Variants in COPS5 observed in about 807,000 individuals in gnomAD.
COPS5 encodes the protein COP9 signalosome subunit 5.
Under a neutral mutation model 44.4 loss-of-function variants are expected in COPS5, and 8 were observed. The ratio of observed to expected loss-of-function variants is 0.18; its 90% CI spans 0.11 to 0.32. COPS5 has a LOEUF of 0.32. Among genes scored for constraint, COPS5 ranks in the 10% least tolerant of loss-of-function variants. The pLI is 1.00. For synonymous variants in COPS5, 122 were observed against 142.8 expected (o/e 0.85, Z 1.04); for missense variants, 159 against 406.4 (o/e 0.39, Z 5.23).
intron 7 of COPS5, chr8:67,044,545 GTTTC>G (rs968696819): frequency 6.6e-6 from 1 of 151,336 alleles, no homozygotes; most frequent in African/African-American, 2.4e-5. Flanking sequence ...AAGTCAATAT[GTTTC>G]TTCCTTCCTT....
intron 7 of COPS5, chr8:67,044,947 T>TTGTATAGCC (rs2129537704): frequency 6.6e-6 from 1 of 152,270 alleles, no homozygotes; most frequent in Admixed American, 6.5e-5. Context: ...CTTTGCAACT[T>TTGTATAGCC]TGTATAGCCT....
At chr8:67,060,419 T>C (rs781637462) in intron 1 of COPS5, 50 of 1,286,378 alleles carry the variant, frequency 3.9e-5, no homozygotes, top group Non-Finnish European at 4.7e-5. Context: ...CCTTTTTAGA[T>C]GTCTGCCCAC....
At chr8:67,055,822 C>T (rs1176217014) in intron 5 of COPS5, among the ~76,000 whole-genome samples, 4 of 139,922 alleles carry the variant, frequency 2.9e-5, no homozygotes, top group African/African-American at 8.2e-5. Flanking sequence ...GCCAAGATCA[C>T]GCCACTGCAC....
At chr8:67,046,846 A>C (rs1027145880) in intron 6 of COPS5, among the ~76,000 whole-genome samples, 108 of 149,404 alleles carry the variant, frequency 7.2e-4, no homozygotes, top group Admixed American at 1.3e-3. Context: ...AAAAAAAAAA[A>C]AACAAACACT....
intron 6 of COPS5, among the ~76,000 whole-genome samples, chr8:67,050,880 C>T (rs1301455026): frequency 6.6e-6 from 1 of 152,042 alleles, no homozygotes; most frequent in African/African-American, 2.4e-5. Flanking sequence ...TGTTTAAGCT[C>T]GTTTCATTAG....
At chr8:67,059,949 C>A in intron 1 of COPS5, 1 of 166,824 alleles carries the variant, frequency 6.0e-6, no homozygotes, top group African/African-American at 2.4e-5. Context: ...TAGGGATATT[C>A]ATAATTGTTG....
intron 7 of COPS5, chr8:67,043,832 T>C (rs1364824370): frequency 6.6e-6 from 1 of 152,164 alleles, no homozygotes; most frequent in African/African-American, 2.4e-5. Context: ...TCAGAAGAGA[T>C]GCAATTCTTG....
rs1041892274 is a variant in COPS5, at chr8:67,061,756, G to A, written c.143+98C>T. 8.2e-6 allele frequency: 10 copies of A among 1,226,194 alleles called. No individual in the cohort carries two copies. In the African/African-American group the frequency reaches 1.1e-4, roughly 13 times the overall value. 76.0% of individuals were successfully genotyped at this position (1,226,194 alleles called of 1,614,324 possible). A position where few individuals can be genotyped will look rare whatever the true frequency, so the allele number is the denominator to read the frequency against. On this transcript the variant is annotated intron_variant, in intron 1 of 7. Coordinates refer to ENST00000357849, the MANE Select transcript of COPS5 (RefSeq NM_006837.3). ...CGCATATTCTGTCCCCCTCCCAGTC[G>A]GTGAAAGCTCTTCACCCCTTTCACC...
At chr8:67,058,893 A>C (rs1804548007) in intron 2 of COPS5, among the ~76,000 whole-genome samples, 1 of 151,632 alleles carries the variant, frequency 6.6e-6, no homozygotes, top group East Asian at 1.9e-4. Context: ...AGTCCCAGCT[A>C]CTCAGGAGGC....
intron 4 of COPS5, among the ~76,000 whole-genome samples, 173 bp downstream of exon 4, chr8:67,057,207 T>C (rs982778961): frequency 2.0e-5 from 3 of 152,228 alleles, no homozygotes; most frequent in East Asian, 1.9e-4. Flanking sequence ...TAAGGACTTA[T>C]AATTTTAAAA....
At chr8:67,057,338 TA>T (rs780118660) in intron 4 of COPS5, 41 bp downstream of exon 4, 1 of 1,337,686 alleles carries the variant, frequency 7.5e-7, no homozygotes, top group Non-Finnish European at 1.1e-6. Flanking sequence ...CCAGCCTAGG[TA>T]ACACAGTGAG....
chr8:67,043,400 T>A, intron 7 of COPS5, 83 bp from the exon 8 acceptor site: 1 of 785,648 alleles, frequency 1.3e-6, no homozygotes, highest in Non-Finnish European at 2.1e-6. Context: ...TCCATCCATG[T>A]AACTCCAATG....
intron 3 of COPS5, 83 bp downstream of exon 3, chr8:67,058,000 A>T: frequency 7.0e-7 from 1 of 1,434,802 alleles, no homozygotes; most frequent in Non-Finnish European, 9.8e-7. Flanking sequence ...ATTTCTCTTT[A>T]CTACACTATT....
chr8:67,046,824 CAAA>C (rs771868140), intron 6 of COPS5, among the ~76,000 whole-genome samples: 1 of 43,726 alleles, frequency 2.3e-5, no homozygotes, highest in Non-Finnish European at 4.1e-5. Context: ...ACTCTGTCTC[CAAA>C]AAAAAAAAAA....
At chr8:67,049,999 CTCTT>C (rs946947018) in intron 6 of COPS5, among the ~76,000 whole-genome samples, 1 of 149,040 alleles carries the variant, frequency 6.7e-6, no homozygotes, top group Non-Finnish European at 1.5e-5. Context: ...CAGTGATACT[CTCTT>C]TTTTTTTTTT....
intron 7 of COPS5, 147 bp downstream of exon 7, chr8:67,045,665 T>C: frequency 1.3e-6 from 1 of 776,550 alleles, no homozygotes; most frequent in Non-Finnish European, 2.1e-6. Flanking sequence ...GTCTGACAAC[T>C]CCTAAAGTTT....
Position 67,061,840 on chromosome 8 carries a change from A to G in COPS5, c.143+14T>C. On this transcript the variant is annotated intron_variant, in intron 1 of 7. Transcript: ENST00000357849. ...CCCTTTCCCTCCCCTGCGTCTCGCC[A>G]GGGACCTCCTCACTCCTTAGTCCAG... 6.2e-7 allele frequency: 1 copy of G among 1,613,578 alleles called. No homozygotes were observed. Among genetic ancestry groups the G allele is most frequent in the Non-Finnish European group, 8.5e-7 (1 of 1,179,632 alleles).
intron 5 of COPS5, 66 bp downstream of exon 5, chr8:67,056,453 C>T: frequency 1.8e-6 from 1 of 542,844 alleles, no homozygotes; most frequent in East Asian, 4.6e-5. Context: ...CTGTGGCTTC[C>T]CAAAGTGCTG....
chr8:67,049,866 T>C (rs1354550259), intron 6 of COPS5, among the ~76,000 whole-genome samples: 4 of 152,242 alleles, frequency 2.6e-5, no homozygotes, highest in Non-Finnish European at 5.9e-5. Flanking sequence ...TACTGCAGTA[T>C]ATGAAATGGC....
Sources: allele counts gnomAD v4.1 joint callset (sites outside exome capture counted in the v4.1 genomes callset), GRCh38; gene constraint gnomAD v4.1.1; transcripts MANE v1.5; gene names NCBI Gene and HGNC (gene_info 2026-07-23, HGNC 2026-07-21).